Variants in TTLL11 observed in about 807,000 individuals in gnomAD.
TTLL11 encodes tubulin polyglutamylase TTLL11.
Under a neutral mutation model 51.7 loss-of-function variants are expected in TTLL11, and 42 were observed. The observed-to-expected ratio is 0.81, with a 90% CI of 0.64 to 1.05. The LOEUF (loss-of-function observed/expected upper bound fraction) is 1.05, where lower values mean the gene tolerates loss of function less well. Among genes scored for constraint, TTLL11 ranks in the 50% least tolerant of loss-of-function variants. The pLI, the probability that TTLL11 is intolerant of heterozygous loss-of-function variation, is 0.00. For synonymous variants in TTLL11, 381 were observed against 383.5 expected, an observed-to-expected ratio of 0.99 and a Z score of 0.08; for missense variants, 799 against 940.4, an observed-to-expected ratio of 0.85 and a Z score of 1.97.
chr9:121,847,207 CAA>C (rs56213031), intron 8 of TTLL11, among the ~76,000 whole-genome samples: 32 of 113,698 alleles, frequency 2.8e-4, no homozygotes, highest in African/African-American at 9.9e-4. Context: ...GACTCCGTCT[CAA>C]AAAAAAAAAA....
chr9:122,060,707 A>T (rs1021803499), intron 1 of TTLL11, among the ~76,000 whole-genome samples: 1 of 152,168 alleles, frequency 6.6e-6, no homozygotes, highest in East Asian at 1.9e-4. Context: ...GGGTATCCTC[A>T]TCTGTAAAAT....
chr9:121,847,968 A>G (rs188975116), intron 8 of TTLL11, among the ~76,000 whole-genome samples: 58 of 152,316 alleles, frequency 3.8e-4, no homozygotes, highest in Non-Finnish European at 7.8e-4. Context: ...TAAGAGGCCA[A>G]AGTAGGAGGA....
At chr9:121,921,394 C>G (rs754910912) in intron 6 of TTLL11, among the ~76,000 whole-genome samples, 3 of 152,148 alleles carry the variant, frequency 2.0e-5, no homozygotes, top group Non-Finnish European at 4.4e-5. Context: ...GTGAACAGAG[C>G]TTCAAGGAAG....
intron 1 of TTLL11, among the ~76,000 whole-genome samples, 154 bp from the exon 2 acceptor site, chr9:122,039,522 T>C (rs1228794584): frequency 7.2e-5 from 11 of 152,212 alleles, no homozygotes; most frequent in Non-Finnish European, 1.0e-4. Flanking sequence ...TTTGCCATTT[T>C]ACAGATGAGG....
chr9:121,970,166 A>T (rs1434558795), intron 6 of TTLL11, among the ~76,000 whole-genome samples: 3 of 152,238 alleles, frequency 2.0e-5, no homozygotes, highest in Non-Finnish European at 4.4e-5. Context: ...CTGGTTATCA[A>T]TAAAAAAGTC....
intron 6 of TTLL11, among the ~76,000 whole-genome samples, chr9:121,887,512 G>A (rs542612718): frequency 7.9e-5 from 12 of 152,194 alleles, no homozygotes; most frequent in Non-Finnish European, 1.3e-4. Context: ...TAGGAATCGC[G>A]ATGCCAGTGC....
chr9:122,018,738 C>T (rs55698919), intron 3 of TTLL11, among the ~76,000 whole-genome samples: 6,653 of 152,268 alleles, frequency 0.044, 173 homozygotes, highest in African/African-American at 0.073. Flanking sequence ...TAGCAGTTTT[C>T]AAATTGACTT....
chr9:121,887,269 C>T (rs1839044372), intron 6 of TTLL11, among the ~76,000 whole-genome samples: 1 of 152,200 alleles, frequency 6.6e-6, no homozygotes, highest in Non-Finnish European at 1.5e-5. Context: ...GCTTCCTTTG[C>T]TGCCACAGAG....
chr9:121,947,469 G>A (rs540383074), intron 6 of TTLL11, among the ~76,000 whole-genome samples: 2 of 152,316 alleles, frequency 1.3e-5, no homozygotes, highest in Admixed American at 1.3e-4. Flanking sequence ...TAAACCTCAA[G>A]TGTGCGAAAA....
At position 122,010,450 on chromosome 9, in the gene TTLL11, A is replaced by C. The variant is rs77795069; in HGVS notation, c.694-20680T>G. The stretch of plus-strand genomic sequence containing the variant: ...TATACCAGTGCCTGTTTTGTAAAGA[A>C]AGTTTTCTCATTTACGTATGGATGG... On this transcript the variant is annotated intron_variant, in intron 3 of 8. Transcript: ENST00000321582. Among the ~76,000 whole-genome samples the C allele has an allele frequency of 1.1e-3, 168 of 152,270 alleles. 4 individuals carry two copies. The East Asian group carries it at 0.027, about 25-fold the overall frequency.
chr9:122,018,506 A>G (rs1430113659), intron 3 of TTLL11, among the ~76,000 whole-genome samples: 1 of 152,228 alleles, frequency 6.6e-6, no homozygotes, highest in African/African-American at 2.4e-5. Flanking sequence ...CTTCAGAAGC[A>G]GGAGACATGG....
intron 6 of TTLL11, among the ~76,000 whole-genome samples, chr9:121,893,117 C>T (rs1449996932): frequency 6.6e-6 from 1 of 152,156 alleles, no homozygotes; most frequent in African/African-American, 2.4e-5. Context: ...ATACTTAATG[C>T]ATATTATTTC....
intron 6 of TTLL11, among the ~76,000 whole-genome samples, chr9:121,880,184 G>A (rs1838733220): frequency 6.6e-6 from 1 of 152,058 alleles, no homozygotes; most frequent in Admixed American, 6.5e-5. Context: ...AGATGAATTG[G>A]CTGGTGCTTA....
intron 3 of TTLL11, among the ~76,000 whole-genome samples, chr9:121,990,996 G>T (rs572517031): frequency 6.6e-6 from 1 of 152,262 alleles, no homozygotes; most frequent in African/African-American, 2.4e-5. Flanking sequence ...GTTTTCACAA[G>T]CAGAGAGAAG....
chr9:121,986,431 G>A (rs1050705739), intron 4 of TTLL11, among the ~76,000 whole-genome samples: 1 of 152,192 alleles, frequency 6.6e-6, no homozygotes, highest in Non-Finnish European at 1.5e-5. Context: ...ACGTGTCCAC[G>A]TTGCAACTTA....
chr9:122,041,622 G>A (rs1352370084), intron 1 of TTLL11, among the ~76,000 whole-genome samples: 1 of 152,118 alleles, frequency 6.6e-6, no homozygotes, highest in Non-Finnish European at 1.5e-5. Context: ...TTTCATACAT[G>A]ATGAGGAGCA....
intron 1 of TTLL11, among the ~76,000 whole-genome samples, chr9:122,064,636 T>C (rs1285225863): frequency 6.6e-6 from 1 of 152,186 alleles, no homozygotes; most frequent in Non-Finnish European, 1.5e-5. Flanking sequence ...AATAGAGCCA[T>C]GGTTTCTGCT....
chr9:121,826,180 T>C (rs1836747289), intron 8 of TTLL11, among the ~76,000 whole-genome samples: 2 of 14,630 alleles, frequency 1.4e-4, no homozygotes, highest in Admixed American at 2.4e-3. Context: ...ATATAACCAG[T>C]AACCTATATA....
At chr9:122,060,559 G>C (rs1159781158) in intron 1 of TTLL11, among the ~76,000 whole-genome samples, 1 of 152,164 alleles carries the variant, frequency 6.6e-6, no homozygotes, top group Non-Finnish European at 1.5e-5. Flanking sequence ...GATCCAAAAG[G>C]ACCAGACACA....
Sources: gnomAD v4.1 joint callset for allele counts (sites outside exome capture counted in the v4.1 genomes callset) on GRCh38, gnomAD v4.1.1 for gene constraint, MANE v1.5 for transcripts, NCBI Gene and HGNC (gene_info 2026-07-23, HGNC 2026-07-21) for gene names.